Variants in SPOCK3 observed in about 807,000 individuals in gnomAD.
SPOCK3 encodes SPARC (osteonectin), cwcv and kazal like domains proteoglycan 3, also known as testican-3.
A neutral mutation model predicts 56.6 loss-of-function variants in SPOCK3; 30 were observed. The observed-to-expected ratio is 0.53, with a 90% CI of 0.40 to 0.72. SPOCK3 has a LOEUF of 0.72. SPOCK3 is among the 30% of genes least tolerant of loss of function. The pLI, the probability that SPOCK3 is intolerant of heterozygous loss-of-function variation, is 0.00. For missense variants in SPOCK3, 527 were observed against 530.0 expected, an observed-to-expected ratio of 0.99 and a Z score of 0.06; for synonymous variants, 196 against 183.3, an observed-to-expected ratio of 1.07 and a Z score of -0.56.
At chr4:167,104,456 T>C (rs1759922296) in intron 2 of SPOCK3, among the ~76,000 whole-genome samples, 1 of 152,074 alleles carries the variant, frequency 6.6e-6, no homozygotes, top group South Asian at 2.1e-4. Flanking sequence ...GAACAATGTA[T>C]CAGAGTCTCT....
intron 2 of SPOCK3, among the ~76,000 whole-genome samples, chr4:167,224,079 TAATTA>T (rs1050769303): frequency 9.2e-5 from 14 of 152,166 alleles, no homozygotes; most frequent in Admixed American, 2.6e-4. Context: ...AAACAGCCAT[TAATTA>T]AATTAAAAGA....
intron 3 of SPOCK3, among the ~76,000 whole-genome samples, chr4:167,053,851 T>G (rs949352080): frequency 5.9e-5 from 9 of 152,064 alleles, no homozygotes; most frequent in Non-Finnish European, 1.0e-4. Context: ...AAGCCACAGC[T>G]ACACTTCTTG....
chr4:167,109,370 A>T (rs866863966), intron 2 of SPOCK3, among the ~76,000 whole-genome samples: 364 of 26,620 alleles, frequency 0.014, 4 homozygotes, highest in African/African-American at 0.036. Flanking sequence ...ATTTATATAT[A>T]TATTTATATA....
chr4:167,117,613 G>A (rs908883376), intron 2 of SPOCK3, among the ~76,000 whole-genome samples: 1 of 152,134 alleles, frequency 6.6e-6, no homozygotes, highest in Non-Finnish European at 1.5e-5. Context: ...GGGCTTTCAG[G>A]AAGTACAAAA....
At chr4:166,754,243 T>G in intron 8 of SPOCK3, 1 of 1,142,560 alleles carries the variant, frequency 8.8e-7, no homozygotes, top group Non-Finnish European at 1.1e-6. Context: ...TCTGTGTGCT[T>G]CTTGGTGGCT....
intron 2 of SPOCK3, among the ~76,000 whole-genome samples, chr4:167,092,620 T>C (rs1758801028): frequency 6.6e-6 from 1 of 152,200 alleles, no homozygotes; most frequent in South Asian, 2.1e-4. Flanking sequence ...GAAATATGAA[T>C]TTTAGACAGA....
chr4:166,754,348 T>G, intron 8 of SPOCK3, 160 bp downstream of exon 8: 1 of 1,375,060 alleles, frequency 7.3e-7, no homozygotes, highest in Non-Finnish European at 9.4e-7. Flanking sequence ...GCAGAGTTAT[T>G]TGTTCAACAT....
At chr4:167,155,758 T>G (rs1185210481) in intron 2 of SPOCK3, among the ~76,000 whole-genome samples, 7 of 152,112 alleles carry the variant, frequency 4.6e-5, no homozygotes, top group African/African-American at 1.7e-4. Context: ...GACTGCAATA[T>G]TTGAAGACAT....
intron 2 of SPOCK3, among the ~76,000 whole-genome samples, chr4:167,112,384 A>T (rs1327528646): frequency 1.3e-5 from 2 of 152,144 alleles, no homozygotes; most frequent in Non-Finnish European, 2.9e-5. Context: ...AAGCATATTT[A>T]TGACTAGATA....
At chr4:167,205,121 G>C (rs115946542) in intron 2 of SPOCK3, among the ~76,000 whole-genome samples, 1 of 110,006 alleles carries the variant, frequency 9.1e-6, no homozygotes, top group Non-Finnish European at 1.7e-5. Context: ...CTCCATGCCT[G>C]ACTGAAAAAA....
At chr4:167,077,993 CAT>C (rs974722780) in intron 2 of SPOCK3, among the ~76,000 whole-genome samples, 12 of 151,874 alleles carry the variant, frequency 7.9e-5, no homozygotes, top group African/African-American at 2.9e-4. Context: ...AATGCATAAA[CAT>C]AGTCTCTGCT....
At chr4:167,033,495 A>C (rs1035957747) in intron 3 of SPOCK3, among the ~76,000 whole-genome samples, 3 of 151,580 alleles carry the variant, frequency 2.0e-5, no homozygotes, top group Non-Finnish European at 4.4e-5. Context: ...CCAGTCTTAT[A>C]AGAATTTTTC....
At chr4:166,798,725 A>G (rs1742232434) in intron 6 of SPOCK3, among the ~76,000 whole-genome samples, 2 of 152,160 alleles carry the variant, frequency 1.3e-5, no homozygotes, top group Admixed American at 1.3e-4. Context: ...ACAGTACCCA[A>G]CTACAATGTG....
intron 3 of SPOCK3, among the ~76,000 whole-genome samples, chr4:167,058,357 C>T (rs190303032): frequency 6.6e-6 from 1 of 152,116 alleles, no homozygotes; most frequent in Non-Finnish European, 1.5e-5. Context: ...ACACCAATAA[C>T]AGGCAAACAG....
intron 2 of SPOCK3, among the ~76,000 whole-genome samples, chr4:167,151,976 C>T (rs896658425): frequency 1.3e-5 from 2 of 152,112 alleles, no homozygotes; most frequent in African/African-American, 4.8e-5. Context: ...CGGGCCCTAT[C>T]AACAAACCTC....
intron 2 of SPOCK3, among the ~76,000 whole-genome samples, chr4:167,216,700 C>T (rs958748264): frequency 6.6e-6 from 1 of 152,060 alleles, no homozygotes; most frequent in Non-Finnish European, 1.5e-5. Context: ...TTGCACAGCT[C>T]ACTTTTACCT....
intron 8 of SPOCK3, among the ~76,000 whole-genome samples, chr4:166,745,898 A>G (rs1735546562): frequency 3.3e-5 from 5 of 152,230 alleles, no homozygotes; most frequent in Admixed American, 3.3e-4. Flanking sequence ...GAAGGCCATT[A>G]CATAATGGTA....
chr4:167,183,518 A>G (rs1731679588), intron 2 of SPOCK3, among the ~76,000 whole-genome samples: 1 of 152,200 alleles, frequency 6.6e-6, no homozygotes, highest in Non-Finnish European at 1.5e-5. Context: ...TTAAAGACAT[A>G]TGAATAAAAT....
chr4:166,883,731 A>C (rs952787434), intron 6 of SPOCK3, among the ~76,000 whole-genome samples: 1 of 152,224 alleles, frequency 6.6e-6, no homozygotes, highest in Admixed American at 6.5e-5. Flanking sequence ...ACTCGTGACA[A>C]CAGCATATGA....
Sources: allele counts gnomAD v4.1 joint callset (sites outside exome capture counted in the v4.1 genomes callset), GRCh38; gene constraint gnomAD v4.1.1; transcripts MANE v1.5; gene names NCBI Gene and HGNC (gene_info 2026-07-23, HGNC 2026-07-21).